The following STRN variants were observed in gnomAD, a reference collection of about 807,000 sequenced individuals.
The protein encoded by STRN is protein phosphatase 2 regulatory subunit B'''alpha.
In STRN, 53 loss-of-function variants were observed where a neutral mutation model predicts 96.3. The ratio of observed to expected loss-of-function variants is 0.55; its 90% confidence interval spans 0.44 to 0.69. The LOEUF is 0.69. Ranked by LOEUF, STRN falls within the 30% of genes least tolerant of loss-of-function variation. STRN has a pLI of 0.00. For missense variants in STRN, 987 were observed against 963.9 expected, an observed-to-expected ratio of 1.02 and a Z score of -0.32; for synonymous variants, 428 against 355.9, an observed-to-expected ratio of 1.20 and a Z score of -2.28.
rs1667995917 is a variant in STRN at position 36,843,508 on chromosome 2, T to C, written c.*5948A>G. 6.6e-6 allele frequency: 1 copy of C among 152,136 alleles called. No homozygotes were observed. Among genetic ancestry groups the C allele is most frequent in the Non-Finnish European group, 1.5e-5 (1 of 68,008 alleles). The allele number at this position is 152,136 out of a possible 1,614,324, so 9.4% of individuals were successfully genotyped here. On this transcript the variant is annotated 3_prime_UTR_variant, in exon 18 of 18. Coordinates refer to ENST00000263918, the MANE Select transcript of STRN (RefSeq NM_003162.4). ...AAAACCTATTCATTAAACATATGTG[T>C]CTCTGAAAGTACCACTGACCCAATC... is the stretch of plus-strand genomic sequence containing the variant.
chr2:36,939,255 T>C (rs183535961), intron 1 of STRN, among the ~76,000 whole-genome samples: 3 of 152,168 alleles, frequency 2.0e-5, no homozygotes, highest in Non-Finnish European at 2.9e-5. Flanking sequence ...ATCAAGCTAT[T>C]GCGTGGGATA....
At chr2:36,864,542 T>G (rs1039944498) in intron 12 of STRN, among the ~76,000 whole-genome samples, 5 of 152,152 alleles carry the variant, frequency 3.3e-5, no homozygotes, top group Non-Finnish European at 7.4e-5. Flanking sequence ...TGATGTGCTG[T>G]TGGATTTTCT....
At chr2:36,934,851 T>C (rs1670662620) in intron 1 of STRN, among the ~76,000 whole-genome samples, 2 of 152,156 alleles carry the variant, frequency 1.3e-5, no homozygotes, top group Admixed American at 1.3e-4. Flanking sequence ...CCTAGATGGA[T>C]GGATCACTTG....
rs993301760 is a variant in STRN, at chr2:36,839,590, T to C, written c.*9866A>G. Among the ~76,000 whole-genome samples the C allele has an allele frequency of 1.3e-5, 2 of 152,166 alleles. No individual in the cohort carries two copies. The highest frequency in any genetic ancestry group is 4.8e-5 in the African/African-American group (2 of 41,438). ...AAATCAACCTAATTAGGCAGATCTA[T>C]TATCCCCATTTCATAGATGAGAAGC... On this transcript the variant is annotated 3_prime_UTR_variant, in exon 18 of 18. Transcript: ENST00000263918.
chr2:36,851,288 T>C (rs1668216102), intron 15 of STRN, among the ~76,000 whole-genome samples, 181 bp from the exon 16 acceptor site: 1 of 151,512 alleles, frequency 6.6e-6, no homozygotes, highest in Non-Finnish European at 1.5e-5. Flanking sequence ...ATCGAGACCA[T>C]CCTGGCCAAC....
At position 36,849,344 on chromosome 2, in the gene STRN, C is replaced by A. The variant is rs533609502; in HGVS notation, c.*112G>T. 1 of 1,240,466 alleles carries A rather than the reference C, an allele frequency of 8.1e-7. No homozygotes were observed. Among genetic ancestry groups the A allele is most frequent in the African/African-American group, 1.5e-5 (1 of 66,236 alleles). The allele number at this position is 1,240,466 out of a possible 1,614,324, so 76.8% of individuals were successfully genotyped here. On this transcript the variant is annotated 3_prime_UTR_variant, in exon 18 of 18. Coordinates refer to ENST00000263918, the MANE Select transcript of STRN (RefSeq NM_003162.4). The stretch of plus-strand genomic sequence containing the variant: ...TACTTCAACAAATGTTCTCTGTGCT[C>A]CTTCAGCAGAACAAAAGGGCAGGAC...
At chr2:36,885,283 T>A (rs555336969) in intron 8 of STRN, among the ~76,000 whole-genome samples, 1 of 152,290 alleles carries the variant, frequency 6.6e-6, no homozygotes, top group South Asian at 2.1e-4. Flanking sequence ...CTTTTGTATT[T>A]CAAGACATTC....
At chr2:36,885,544 C>G (rs1477429686) in intron 8 of STRN, among the ~76,000 whole-genome samples, 5 of 152,092 alleles carry the variant, frequency 3.3e-5, no homozygotes, top group African/African-American at 1.2e-4. Context: ...CTGATTTAAT[C>G]TATCTTGAGA....
intron 10 of STRN, among the ~76,000 whole-genome samples, chr2:36,877,510 T>A (rs947789810): frequency 2.0e-5 from 3 of 152,244 alleles, no homozygotes; most frequent in Admixed American, 1.3e-4. Flanking sequence ...TACCATTGCC[T>A]TCATTTTCTA....
At chr2:36,966,144 G>C in intron 1 of STRN, 86 bp downstream of exon 1, 1 of 1,348,532 alleles carries the variant, frequency 7.4e-7, no homozygotes. Context: ...ACGCGAGAAG[G>C]CTGGGGGAGG....
chr2:36,859,005 C>T (rs1668415642), intron 13 of STRN, among the ~76,000 whole-genome samples: 1 of 152,074 alleles, frequency 6.6e-6, no homozygotes, highest in Non-Finnish European at 1.5e-5. Context: ...GCAGCACCTA[C>T]AAAACCACAT....
intron 15 of STRN, among the ~76,000 whole-genome samples, chr2:36,851,338 C>A (rs1010176763): frequency 6.6e-6 from 1 of 151,886 alleles, no homozygotes; most frequent in Admixed American, 6.6e-5. Context: ...CAAAAATTAG[C>A]CGAGTGTGGT....
At chr2:36,924,367 A>AAT (rs1046716769) in intron 2 of STRN, among the ~76,000 whole-genome samples, 13 of 151,752 alleles carry the variant, frequency 8.6e-5, no homozygotes, top group Admixed American at 4.6e-4. Context: ...AAAAAAAAAA[A>AAT]AAAAAAGTCT....
chr2:36,939,110 C>G (rs1378056070), intron 1 of STRN, among the ~76,000 whole-genome samples: 1 of 152,066 alleles, frequency 6.6e-6, no homozygotes, highest in East Asian at 1.9e-4. Context: ...CTCAGCCTCC[C>G]GAGTAGCTGG....
chr2:36,855,687 T>A (rs866495355), intron 14 of STRN, among the ~76,000 whole-genome samples: 6 of 152,154 alleles, frequency 3.9e-5, no homozygotes, highest in African/African-American at 1.4e-4. Flanking sequence ...TAGAGTGACA[T>A]AGTGGGAATT....
intron 9 of STRN, among the ~76,000 whole-genome samples, chr2:36,879,262 G>A (rs185187881): frequency 3.4e-4 from 51 of 151,966 alleles, no homozygotes; most frequent in Non-Finnish European, 1.5e-5. Flanking sequence ...GTAGAGACGG[G>A]GTTTCCCCAT....
chr2:36,902,888 T>C (rs1669726288), intron 4 of STRN, 137 bp from the exon 5 acceptor site: 1 of 590,622 alleles, frequency 1.7e-6, no homozygotes, highest in Non-Finnish European at 2.6e-6. Flanking sequence ...TAAGACTTGT[T>C]AATAAATAAT....
chr2:36,903,198 C>T (rs1572661977), intron 4 of STRN, among the ~76,000 whole-genome samples: 2 of 152,160 alleles, frequency 1.3e-5, no homozygotes, highest in Admixed American at 6.5e-5. Context: ...AGTTATTTCT[C>T]GAGTCACTCT....
chr2:36,964,575 G>T (rs936296943), intron 1 of STRN, among the ~76,000 whole-genome samples: 2 of 152,142 alleles, frequency 1.3e-5, no homozygotes, highest in African/African-American at 4.8e-5. Context: ...CAATAGGAAT[G>T]AAAAAGTTGC....
Sources: gnomAD v4.1 joint callset for allele counts (sites outside exome capture counted in the v4.1 genomes callset) on GRCh38, gnomAD v4.1.1 for gene constraint, MANE v1.5 for transcripts, NCBI Gene and HGNC (gene_info 2026-07-23, HGNC 2026-07-21) for gene names.